TXNDC11: variants seen among roughly 807,000 people sequenced by gnomAD.
The protein encoded by TXNDC11 is thioredoxin domain-containing protein 11.
TXNDC11 carries 68 observed loss-of-function variants against 78.0 expected under a neutral mutation model. The ratio of observed to expected loss-of-function variants is 0.87; its 90% CI spans 0.72 to 1.07. TXNDC11 has a LOEUF of 1.07. TXNDC11 is among the 50% of genes least tolerant of loss of function. The pLI, the probability that TXNDC11 is intolerant of heterozygous loss-of-function variation, is 0.00. For missense variants in TXNDC11, 1,389 were observed against 1,221.8 expected (o/e 1.14, Z -2.04); for synonymous variants, 571 against 495.2 (o/e 1.15, Z -2.03).
chr16:11,706,902 TA>T (rs1184829844), intron 5 of TXNDC11, among the ~76,000 whole-genome samples: 2 of 152,160 alleles, frequency 1.3e-5, no homozygotes, highest in Non-Finnish European at 2.9e-5. Flanking sequence ...CTTACATGCA[TA>T]TTTTTTTTAA....
rs529715235 is a variant in TXNDC11 at position 11,741,659 on chromosome 16, C to G, written c.254+818G>C. ...CTGAAGCTTTAAAAAATTATATTTA[C>G]TTGTTCACTGTCCCATCCACTCAAG... On this transcript the variant is annotated intron_variant, in intron 1 of 11. Coordinates refer to ENST00000283033, the MANE Select transcript of TXNDC11 (RefSeq NM_015914.7). 5.3e-5 allele frequency among the ~76,000 whole-genome samples: 8 copies of G among 152,336 alleles called. No homozygotes were observed. The East Asian group carries it at 1.5e-3, about 29-fold the overall frequency.
intron 2 of TXNDC11, among the ~76,000 whole-genome samples, chr16:11,734,326 A>G (rs1025456424): frequency 2.0e-5 from 3 of 152,224 alleles, no homozygotes; most frequent in Non-Finnish European, 4.4e-5. Flanking sequence ...AATACAGTTC[A>G]AAAGATTTCT....
rs768520634 is a variant in TXNDC11, at chr16:11,691,609, A to T, written c.1581T>A (p.Phe527Leu). 6.2e-7 allele frequency: 1 copy of T among 1,614,226 alleles called. No homozygotes were observed. Among genetic ancestry groups the T allele is most frequent in the Non-Finnish European group, 8.5e-7 (1 of 1,180,038 alleles). ...AAGAAAATGCAACAGTAGGGGCTTC[A>T]AAGACACCTTGTTCAGAGTCGATGA... is the stretch of plus-strand genomic sequence containing the variant. ...SGFIDSEQGV[F>L]EAPTVAFSSL... Residue 527 changes from phenylalanine (F) to leucine (L), a missense_variant, in exon 8 of 12, where the codon TTT becomes TTA. Phe to Leu is a conservative substitution (Grantham distance 22). Coordinates refer to ENST00000283033, the MANE Select transcript of TXNDC11 (RefSeq NM_015914.7).
At chr16:11,722,941 A>G (rs2051754631) in intron 4 of TXNDC11, among the ~76,000 whole-genome samples, 1 of 152,230 alleles carries the variant, frequency 6.6e-6, no homozygotes, top group African/African-American at 2.4e-5. Context: ...AAATGAATCA[A>G]TTGGTTTTCA....
chr16:11,687,468 T>A (rs1158672844), intron 10 of TXNDC11, among the ~76,000 whole-genome samples: 1 of 152,214 alleles, frequency 6.6e-6, no homozygotes, highest in Non-Finnish European at 1.5e-5. Flanking sequence ...TTCCTTTTAA[T>A]TTCACAAATG....
chr16:11,717,146 C>T (rs1311171511), intron 5 of TXNDC11, among the ~76,000 whole-genome samples: 1 of 150,194 alleles, frequency 6.7e-6, no homozygotes, highest in Admixed American at 6.6e-5. Flanking sequence ...AACCAGAAGG[C>T]CAGGCGCAGT....
chr16:11,719,383 T>C (rs1275336248), intron 5 of TXNDC11, among the ~76,000 whole-genome samples: 1 of 152,232 alleles, frequency 6.6e-6, no homozygotes, highest in African/African-American at 2.4e-5. Flanking sequence ...GCTTAGTCAC[T>C]TGAAACTGTG....
At chr16:11,700,882 C>G (rs2050994684) in intron 5 of TXNDC11, among the ~76,000 whole-genome samples, 1 of 152,152 alleles carries the variant, frequency 6.6e-6, no homozygotes, top group African/African-American at 2.4e-5. Flanking sequence ...ATGCTGTTCT[C>G]TTTGTCTGGA....
At position 11,695,540 on chromosome 16, in the gene TXNDC11, C is replaced by A. The variant is rs553738430; in HGVS notation, c.1107+2585G>T. Among the ~76,000 whole-genome samples the A allele has an allele frequency of 2.6e-5, 4 of 152,320 alleles. No homozygotes were observed. In the South Asian group the frequency reaches 6.2e-4, roughly 24 times the overall value. ...CATCTTGCGTAAGTACAGCGTTCAT[C>A]CTTCCCACCTTACCCAAAGGCTTCT... On this transcript the variant is annotated intron_variant, in intron 7 of 11. Coordinates refer to ENST00000283033, the MANE Select transcript of TXNDC11 (RefSeq NM_015914.7).
chr16:11,700,486 C>G lies in TXNDC11; in HGVS notation c.872G>C (p.Ser291Thr). ...AKLVSLVHSG[S>T]VYLHRHFNTS... ...GTTGAAATGTCTATGTAAATACACA[C>G]TTCCAGAGTGTACTAAGGATACCAG... The change falls in exon 6 of 12, where the codon AGT (serine) becomes ACT (threonine). Residue 291 changes from serine (S) to threonine (T), a missense_variant. Ser to Thr is a moderately conservative substitution (Grantham distance 58, BLOSUM62 1). Coordinates refer to ENST00000283033, the MANE Select transcript of TXNDC11 (RefSeq NM_015914.7). The G allele has an allele frequency of 1.9e-6, 3 of 1,591,200 alleles. No homozygotes were observed. The highest frequency in any genetic ancestry group is 2.6e-6 in the Non-Finnish European group (3 of 1,159,674).
At chr16:11,716,579 A>T (rs967383024) in intron 5 of TXNDC11, among the ~76,000 whole-genome samples, 2 of 152,252 alleles carry the variant, frequency 1.3e-5, no homozygotes, top group Non-Finnish European at 2.9e-5. Flanking sequence ...ATGATTAAAC[A>T]TTAATGAGAG....
chr16:11,726,901 A>G (rs2051896910), intron 4 of TXNDC11, among the ~76,000 whole-genome samples: 1 of 152,112 alleles, frequency 6.6e-6, no homozygotes, highest in African/African-American at 2.4e-5. Context: ...TAAAAATACA[A>G]AAACAGCCAG....
In TXNDC11 at chr16:11,742,793, G is replaced by T; in HGVS notation, c.-63C>A. The T allele has an allele frequency of 9.3e-6, 13 of 1,393,862 alleles. No individual in the cohort carries two copies. The highest frequency in any genetic ancestry group is 1.2e-5 in the Non-Finnish European group (13 of 1,079,542). 86.3% of individuals were successfully genotyped at this position (1,393,862 alleles called of 1,614,324 possible). A position where few individuals can be genotyped will look rare whatever the true frequency, so the allele number is the denominator to read the frequency against. Reference sequence around the variant, plus strand: ...CGCCTCGGGCCCGAAGGCCCGGCCCGGCCCGTTGCTCCCCAATCCCGCAGC... The same window carrying T: ...CGCCTCGGGCCCGAAGGCCCGGCCCTGCCCGTTGCTCCCCAATCCCGCAGC... On this transcript the variant is annotated 5_prime_UTR_variant, in exon 1 of 12. Transcript: ENST00000283033.
In TXNDC11 at chr16:11,693,232, T is replaced by C. The variant is rs2050770140; in HGVS notation, c.1108-1150A>G. On this transcript the variant is annotated intron_variant, in intron 7 of 11. Coordinates refer to ENST00000283033, the MANE Select transcript of TXNDC11 (RefSeq NM_015914.7). The stretch of plus-strand genomic sequence containing the variant: ...CCTCTGTCTTGGTGAGATTTGCCAC[T>C]TTACCGTCAAGCCAGTATTGGCAAT... Among the ~76,000 whole-genome samples, 6 of 152,344 alleles carry C rather than the reference T, an allele frequency of 3.9e-5. No homozygotes were observed. In the South Asian group the frequency reaches 1.2e-3, roughly 32 times the overall value.
chr16:11,709,413 A>G (rs1473261841), intron 5 of TXNDC11, among the ~76,000 whole-genome samples: 3 of 137,986 alleles, frequency 2.2e-5, no homozygotes, highest in African/African-American at 2.8e-5. Flanking sequence ...ATGCGTAGCT[A>G]ATTTTTTGTA....
chr16:11,738,626 A>C (rs2052297793), intron 1 of TXNDC11, among the ~76,000 whole-genome samples: 1 of 151,952 alleles, frequency 6.6e-6, no homozygotes, highest in African/African-American at 2.4e-5. Context: ...AATGACAAGA[A>C]GATAGCCACC....
intron 11 of TXNDC11, among the ~76,000 whole-genome samples, chr16:11,682,836 T>G (rs758375268): frequency 2.0e-5 from 3 of 152,146 alleles, no homozygotes; most frequent in Non-Finnish European, 4.4e-5. Context: ...GACAAGACCC[T>G]ACTACCACAG....
Position 11,736,034 on chromosome 16 carries a change from T to A in TXNDC11, c.454A>T (p.Ser152Cys). The A allele has an allele frequency of 6.2e-7, 1 of 1,614,082 alleles. No homozygotes were observed. Among genetic ancestry groups the A allele is most frequent in the Non-Finnish European group, 8.5e-7 (1 of 1,180,028 alleles). ...AGCATTACCTGATCTGAAAGCCGACTTGCTGCTTGCTCAATTTCTGCCCTG... is the reference window on the plus strand; with the variant it reads ...AGCATTACCTGATCTGAAAGCCGACATGCTGCTTGCTCAATTTCTGCCCTG... ...AARAEIEQAASRLSDQVLFVA... is the reference protein window; with the variant it reads ...AARAEIEQAACRLSDQVLFVA... The change falls in exon 2 of 12, where the codon AGT (serine) becomes TGT (cysteine). Residue 152 changes from serine to cysteine, a missense_variant. Coordinates refer to ENST00000283033, the MANE Select transcript of TXNDC11 (RefSeq NM_015914.7).
In TXNDC11 at chr16:11,691,993, T is replaced by C; in HGVS notation, c.1197A>G (p.Pro399=). 6.3e-7 allele frequency: 1 copy of C among 1,582,862 alleles called. No individual in the cohort carries two copies. The highest frequency in any genetic ancestry group is 1.7e-4 in the Middle Eastern group (1 of 5,902). ...CTTCCAGGGCCAGGGACTCCAGCACTGGAGCATCCACCCGCCGCAGGTGCT... is the reference window on the plus strand; with the variant it reads ...CTTCCAGGGCCAGGGACTCCAGCACCGGAGCATCCACCCGCCGCAGGTGCT... ...LLQHLRRVDA[P]VLESLALEVP... The change falls in exon 8 of 12, where the codon CCA becomes CCG. Residue 399 remains proline (P), a synonymous_variant. Transcript: ENST00000283033.
Sources: gnomAD v4.1 joint callset for allele counts (sites outside exome capture counted in the v4.1 genomes callset) on GRCh38, gnomAD v4.1.1 for gene constraint, MANE v1.5 for transcripts, NCBI Gene and HGNC (gene_info 2026-07-23, HGNC 2026-07-21) for gene names.